The following TMEM255B variants were observed in gnomAD, a reference collection of about 807,000 sequenced individuals.
The protein encoded by TMEM255B is family with sequence similarity 70, member B.
A neutral mutation model predicts 34.5 loss-of-function variants in TMEM255B; 35 were observed. The observed-to-expected ratio is 1.01, with a 90% CI of 0.77 to 1.34. The LOEUF is 1.34. Ranked by LOEUF, TMEM255B falls within the 40% of genes most tolerant of loss-of-function variation. The pLI is 0.00. For missense variants in TMEM255B, 432 were observed against 433.2 expected, an observed-to-expected ratio of 1.00 and a Z score of 0.02; for synonymous variants, 206 against 201.2, an observed-to-expected ratio of 1.02 and a Z score of -0.20.
chr13:113,811,321 C>T (rs1209072729), intron 8 of TMEM255B, among the ~76,000 whole-genome samples: 7 of 83,906 alleles, frequency 8.3e-5, no homozygotes, highest in African/African-American at 2.9e-4. Context: ...GTGGGGGGGC[C>T]GGTGAGAGTG....
intron 3 of TMEM255B, among the ~76,000 whole-genome samples, chr13:113,783,456 T>C (rs2050695332): frequency 6.6e-6 from 1 of 152,200 alleles, no homozygotes; most frequent in Admixed American, 6.5e-5. Context: ...GGAGTTAGAA[T>C]TATGTCAATG....
intron 4 of TMEM255B, among the ~76,000 whole-genome samples, chr13:113,795,920 GCA>G (rs1670824639): frequency 9.3e-6 from 1 of 107,136 alleles, no homozygotes; most frequent in Non-Finnish European, 1.9e-5. Flanking sequence ...ACAGCACACA[GCA>G]CACACCACAC....
rs559043684 is a variant in TMEM255B, at chr13:113,813,841, C to G, written c.*1938C>G. 4 of 152,330 alleles carry G rather than the reference C, an allele frequency of 2.6e-5. No homozygotes were observed. The East Asian group carries it at 7.8e-4, about 30-fold the overall frequency. The allele number at this position is 152,330 out of a possible 1,614,324, so 9.4% of individuals were successfully genotyped here. ...TGTGGTCTTGGCCTCTCAGGGCTGA[C>G]TGGCCTTGAACCAGTCCGGGAGGTC... On this transcript the variant is annotated 3_prime_UTR_variant, in exon 9 of 9. Coordinates refer to ENST00000375353, the MANE Select transcript of TMEM255B (RefSeq NM_182614.4).
chr13:113,786,339 C>A (rs573127755), intron 3 of TMEM255B, among the ~76,000 whole-genome samples: 1 of 151,822 alleles, frequency 6.6e-6, no homozygotes, highest in Admixed American at 6.6e-5. Context: ...ATCCCCATCA[C>A]CATCACTGTC....
rs1594168936 is a variant in TMEM255B at position 113,806,838 on chromosome 13, C to T, written c.813+1810C>T. ...GCCCGCAGGGGTAGAAGGAGGAGGC[C>T]CGCAGGGGCAGAGGTATCTCCAGGG... is the stretch of plus-strand genomic sequence containing the variant. On this transcript the variant is annotated intron_variant, in intron 8 of 8. Transcript: ENST00000375353. This position sits in a 1 kb window ranked among gnomAD's most constrained non-coding sequence, Gnocchi z 4.2. 5.9e-5 allele frequency among the ~76,000 whole-genome samples: 8 copies of T among 135,572 alleles called. 1 individual carries two copies. The highest frequency in any genetic ancestry group is 5.7e-4 in the Admixed American group (8 of 14,128). 88.9% of individuals were successfully genotyped at this position (135,572 alleles called of 152,430 possible). A position where few individuals can be genotyped will look rare whatever the true frequency, so the allele number is the denominator to read the frequency against.
At chr13:113,800,094 G>A in intron 5 of TMEM255B, 3 of 1,168,592 alleles carry the variant, frequency 2.6e-6, no homozygotes, top group Non-Finnish European at 3.2e-6. Context: ...GTGTGTGTGT[G>A]TGGGGGGGGG....
rs114123961 is a variant in TMEM255B at position 113,812,238 on chromosome 13, A to G, written c.*335A>G. ...GCTATTATTATGATTTTGCAAAGAC[A>G]GTGCAGCCCCGGCCTCCCTGCCTGT... On this transcript the variant is annotated 3_prime_UTR_variant, in exon 9 of 9. Transcript: ENST00000375353. 0.081 allele frequency: 27,200 copies of G among 334,490 alleles called. 1,348 individuals are homozygous for G. Among genetic ancestry groups the G allele is most frequent in the Admixed American group, 0.15 (3,187 of 21,600 alleles). 20.7% of individuals were successfully genotyped at this position (334,490 alleles called of 1,614,324 possible). A position where few individuals can be genotyped will look rare whatever the true frequency, so the allele number is the denominator to read the frequency against.
chr13:113,807,401 C>T lies in TMEM255B; in HGVS notation c.813+2373C>T, dbSNP rs11839158. On this transcript the variant is annotated intron_variant, in intron 8 of 8. Transcript: ENST00000375353. ...TGTGGGGGTGGTCCTCCCTGTCACA[C>T]GTGGGCTTACGGGATGTGGGGGGTG... is the stretch of plus-strand genomic sequence containing the variant. 4.0e-3 allele frequency among the ~76,000 whole-genome samples: 542 copies of T among 136,262 alleles called. 1 individual carries two copies. The highest frequency in any genetic ancestry group is 0.015 in the African/African-American group (515 of 34,304). 89.4% of individuals were successfully genotyped at this position (136,262 alleles called of 152,430 possible). A position where few individuals can be genotyped will look rare whatever the true frequency, so the allele number is the denominator to read the frequency against.
chr13:113,805,565 C>A (rs1369087944), intron 8 of TMEM255B, among the ~76,000 whole-genome samples: 1 of 152,242 alleles, frequency 6.6e-6, no homozygotes, highest in Non-Finnish European at 1.5e-5. Flanking sequence ...GCATGACCGC[C>A]TTCTGTGCCA....
intron 3 of TMEM255B, among the ~76,000 whole-genome samples, chr13:113,783,844 G>A (rs1217351616): frequency 1.3e-5 from 2 of 152,130 alleles, no homozygotes; most frequent in Non-Finnish European, 2.9e-5. Flanking sequence ...GGGTCAGAAG[G>A]GGTTTCGGAG....
chr13:113,794,089 G>A (rs1485876376), intron 3 of TMEM255B, among the ~76,000 whole-genome samples: 1 of 152,190 alleles, frequency 6.6e-6, no homozygotes. Flanking sequence ...GACACACAGG[G>A]CCATGCTGAC....
At chr13:113,771,397 A>G (rs1443311306) in intron 3 of TMEM255B, among the ~76,000 whole-genome samples, 1 of 152,100 alleles carries the variant, frequency 6.6e-6, no homozygotes, top group Non-Finnish European at 1.5e-5. Flanking sequence ...AATCCACTAT[A>G]TGGGCCGGAC....
In TMEM255B at chr13:113,786,520, T is replaced by C. The variant is rs937032075; in HGVS notation, c.253-8628T>C. On this transcript the variant is annotated intron_variant, in intron 3 of 8. Transcript: ENST00000375353. ...TCATCACCATCACCATCATCACCAT[T>C]GTCACCACTGTCATCACCATTGTCA... Among the ~76,000 whole-genome samples the C allele has an allele frequency of 6.1e-5, 7 of 113,942 alleles. No individual in the cohort carries two copies. The East Asian group carries it at 1.8e-3, about 30-fold the overall frequency. The allele number at this position is 113,942 out of a possible 152,430, so 74.8% of individuals were successfully genotyped here.
At position 113,799,420 on chromosome 13, in the gene TMEM255B, G is replaced by A. The variant is rs1466914709; in HGVS notation, c.423+1G>A. ...CTTGTACGATGTCTACCAGACAGAG[G>A]TGAGCAGGAGCACTGAGATTCATGT... On this transcript the variant is annotated splice_donor_variant, in intron 5 of 8. Coordinates refer to ENST00000375353, the MANE Select transcript of TMEM255B (RefSeq NM_182614.4). LOFTEE classifies it high-confidence loss of function. The A allele has an allele frequency of 3.7e-6, 6 of 1,613,680 alleles. No individual in the cohort carries two copies. Among genetic ancestry groups the A allele is most frequent in the Admixed American group, 1.7e-5 (1 of 60,006 alleles).
In TMEM255B at chr13:113,770,890, A is replaced by G. The variant is rs534672085; in HGVS notation, c.252+1730A>G. On this transcript the variant is annotated intron_variant, in intron 3 of 8. Transcript: ENST00000375353. The surrounding 1 kb of genome is among the most constrained non-coding windows in gnomAD (Gnocchi z 4.6). ...GGGAAGGCCTCCTGAAGACTTTTCC[A>G]TAAGATTTCCCCAAAGAGGCAGAAG... is the stretch of plus-strand genomic sequence containing the variant. Among the ~76,000 whole-genome samples the G allele has an allele frequency of 1.1e-4, 16 of 152,302 alleles. No homozygotes were observed. The highest frequency in any genetic ancestry group is 3.6e-4 in the African/African-American group (15 of 41,568).
chr13:113,762,541 A>AT (rs1315482559), intron 1 of TMEM255B, among the ~76,000 whole-genome samples: 1 of 152,236 alleles, frequency 6.6e-6, no homozygotes, highest in Non-Finnish European at 1.5e-5. Context: ...AGGGGTAAAC[A>AT]TAGCAAAGTT....
chr13:113,786,723 T>A (rs12430589), intron 3 of TMEM255B, among the ~76,000 whole-genome samples: 16,013 of 152,286 alleles, frequency 0.11, 921 homozygotes, highest in South Asian at 0.21. Context: ...AGCTGCTTCC[T>A]CTCTGCTGGG....
intron 8 of TMEM255B, among the ~76,000 whole-genome samples, chr13:113,808,303 C>G (rs1299588010): frequency 6.6e-6 from 1 of 152,160 alleles, no homozygotes; most frequent in Non-Finnish European, 1.5e-5. Flanking sequence ...GCAGCTTTGC[C>G]AGGCATGAAG....
chr13:113,766,406 C>A, intron 2 of TMEM255B, 149 bp downstream of exon 2: 2 of 1,107,850 alleles, frequency 1.8e-6, no homozygotes, highest in Non-Finnish European at 2.7e-6. Flanking sequence ...ATGGCCCCCA[C>A]AGACATGCAC....
Sources: allele counts gnomAD v4.1 joint callset (sites outside exome capture counted in the v4.1 genomes callset), GRCh38; gene constraint gnomAD v4.1.1; non-coding constraint Gnocchi (gnomAD v3.1); transcripts MANE v1.5; gene names NCBI Gene and HGNC (gene_info 2026-07-23, HGNC 2026-07-21).